HEPH: variants seen among roughly 807,000 people sequenced by gnomAD.
The protein encoded by HEPH is hephaestin.
Under a neutral mutation model 80.8 loss-of-function variants are expected in HEPH, and 69 were observed. The ratio of observed to expected loss-of-function variants is 0.85; its 90% CI spans 0.70 to 1.04. The LOEUF (loss-of-function observed/expected upper bound fraction) is 1.04. Ranked by LOEUF, HEPH falls within the 50% of genes least tolerant of loss-of-function variation. HEPH has a pLI of 0.00. For missense variants in HEPH, 1,115 were observed against 891.3 expected (o/e 1.25, Z -3.20); for synonymous variants, 431 against 322.8 (o/e 1.34, Z -3.60).
chrX:66,268,581 G>T (rs1404206499), downstream of HEPH: 1 of 111,726 alleles, frequency 9.0e-6, no homozygotes, highest in East Asian at 2.8e-4. Flanking sequence ...AGGAATTCCA[G>T]TCAATTAATG....
chrX:66,166,159 G>A (rs1019691686), intron 1 of HEPH, among the ~76,000 whole-genome samples: 3 of 111,454 alleles, frequency 2.7e-5, no homozygotes, highest in Non-Finnish European at 3.8e-5. Flanking sequence ...GCTTTCCACT[G>A]TACCATGAAA....
rs151209087 is a variant in HEPH, at chrX:66,233,504, G to A, written c.2564-21531G>A. 4.8e-3 allele frequency among the ~76,000 whole-genome samples: 539 copies of A among 111,524 alleles called. 4 individuals are homozygous for A. Among genetic ancestry groups the A allele is most frequent in the African/African-American group, 0.017 (516 of 30,739 alleles). On this transcript the variant is annotated intron_variant, in intron 15 of 20. Coordinates refer to ENST00000343002, the MANE Select transcript of HEPH (RefSeq NM_001367233.3). ...AGGAGCTTTCCTAGAGTGGATTTAT[G>A]AGCACTGGGCTTACTGAGCAGTTTG... is the stretch of plus-strand genomic sequence containing the variant.
rs142070293 is a variant in HEPH, at chrX:66,228,185, G to A, written c.2563+19939G>A. Reference sequence around the variant, plus strand: ...AAGAGAATGAAAATCAAGCAAAAGGGGTTTCCTCTTATAAAACCATCAGTT... The same window carrying A: ...AAGAGAATGAAAATCAAGCAAAAGGAGTTTCCTCTTATAAAACCATCAGTT... On this transcript the variant is annotated intron_variant, in intron 15 of 20. Transcript: ENST00000343002. 9.4e-4 allele frequency among the ~76,000 whole-genome samples: 105 copies of A among 111,289 alleles called. 1 individual carries two copies. Among genetic ancestry groups the A allele is most frequent in the African/African-American group, 3.4e-3 (105 of 30,650 alleles).
chrX:66,266,598 C>A lies in HEPH; in HGVS notation c.3403C>A (p.Arg1135=), dbSNP rs73217443. ...TGGTGGAGTGGTTTGGTACCAACAT[C>A]GACAGAGAAAGCTACGACGCAATAG... The part of the protein sequence containing the change: ...ALGGVVWYQH[R]QRKLRRNRRS... The change falls in exon 21 of 21, where the codon CGA becomes AGA. Residue 1135 remains arginine (R), a synonymous_variant. Transcript: ENST00000343002. 7 of 1,210,190 alleles carry A rather than the reference C, an allele frequency of 5.8e-6. No individual in the cohort carries two copies. The South Asian group carries it at 1.1e-4, about 18-fold the overall frequency.
intron 12 of HEPH, among the ~76,000 whole-genome samples, chrX:66,201,198 C>G (rs913992490): frequency 9.0e-6 from 1 of 110,532 alleles, no homozygotes; most frequent in African/African-American, 3.3e-5. Flanking sequence ...TCTCTTTCTA[C>G]CCATGATGCG....
At chrX:66,261,528 T>A (rs2091362756) in intron 19 of HEPH, among the ~76,000 whole-genome samples, 1 of 86,830 alleles carries the variant, frequency 1.2e-5, no homozygotes, top group Non-Finnish European at 2.3e-5. Context: ...CCCATACAAA[T>A]CAAGGCTGTG....
intron 15 of HEPH, among the ~76,000 whole-genome samples, chrX:66,233,291 C>G (rs2090230290): frequency 9.0e-6 from 1 of 111,570 alleles, no homozygotes; most frequent in Admixed American, 9.6e-5. Context: ...TCACCAGCCT[C>G]CTGAAAGGCA....
intron 4 of HEPH, among the ~76,000 whole-genome samples, chrX:66,178,649 G>T (rs1261057505): frequency 9.0e-6 from 1 of 111,588 alleles, no homozygotes; most frequent in African/African-American, 3.3e-5. Context: ...AACTGGTGTG[G>T]GATGGTATCT....
At chrX:66,209,766 G>C (rs762849890) in intron 15 of HEPH, among the ~76,000 whole-genome samples, 1 of 112,022 alleles carries the variant, frequency 8.9e-6, no homozygotes, top group Non-Finnish European at 1.9e-5. Context: ...CAGGAAAATA[G>C]TGATGCCATT....
At position 66,173,699 on chromosome X, in the gene HEPH, G is replaced by T; in HGVS notation, c.523G>T (p.Asp175Tyr). ...CATTCCAGAAGGCCATGCACCCACCGATGCTGACCCAGCGTGCCTCACCTG... is the reference window on the plus strand; with the variant it reads ...CATTCCAGAAGGCCATGCACCCACCTATGCTGACCCAGCGTGCCTCACCTG... Reference protein sequence around the residue: ...WTIPEGHAPTDADPACLTWIY... With the variant: ...WTIPEGHAPTYADPACLTWIY... The change falls in exon 4 of 21, where the codon GAT becomes TAT. Residue 175 changes from aspartate (D) to tyrosine (Y), a missense_variant. Physicochemically the swap from Asp to Tyr is radical, Grantham distance 160. Transcript: ENST00000343002. The T allele has an allele frequency of 1.7e-6, 2 of 1,210,046 alleles. No homozygotes were observed. Among genetic ancestry groups the T allele is most frequent in the Non-Finnish European group, 2.2e-6 (2 of 894,417 alleles).
In HEPH at chrX:66,165,808, AT is replaced by A. The variant is rs1439391231; in HGVS notation, c.-14+1342del. On this transcript the variant is annotated intron_variant, in intron 1 of 20. Coordinates refer to ENST00000343002, the MANE Select transcript of HEPH (RefSeq NM_001367233.3). ...GCCTATTCCTTCTGCCTTCCTTTTT[AT>A]TTTGTATTTTTTACTTTTTTCCAGG... Among the ~76,000 whole-genome samples, 5 of 108,609 alleles carry A rather than the reference AT, an allele frequency of 4.6e-5. No individual in the cohort carries two copies. The Admixed American group carries it at 4.9e-4, about 11-fold the overall frequency. 94.3% of individuals were successfully genotyped at this position (108,609 alleles called of 115,157 possible).
chrX:66,191,114 A>G (rs1215635422), intron 6 of HEPH, among the ~76,000 whole-genome samples: 1 of 112,006 alleles, frequency 8.9e-6, no homozygotes, highest in Non-Finnish European at 1.9e-5. Flanking sequence ...AGTAGATATA[A>G]GAAAATAAAA....
chrX:66,221,668 G>A (rs964198019), intron 15 of HEPH, among the ~76,000 whole-genome samples: 3 of 112,684 alleles, frequency 2.7e-5, no homozygotes, highest in South Asian at 3.7e-4. Flanking sequence ...TGATACATAG[G>A]GTGTAAAGGG....
chrX:66,245,207 C>T (rs1397848076), intron 15 of HEPH, among the ~76,000 whole-genome samples: 3 of 110,688 alleles, frequency 2.7e-5, no homozygotes, highest in Non-Finnish European at 5.7e-5. Context: ...GAGTCAAGAC[C>T]CATCAGTGTG....
At chrX:66,197,968 C>A in intron 10 of HEPH, 74 bp downstream of exon 10, 1 of 892,567 alleles carries the variant, frequency 1.1e-6, no homozygotes, top group Non-Finnish European at 1.6e-6. Flanking sequence ...AGGAGTTAAG[C>A]ATGGAACTGG....
Position 66,212,875 on chromosome X carries a change from T to C in HEPH, c.2563+4629T>C, listed in dbSNP as rs965060287. Among the ~76,000 whole-genome samples the C allele has an allele frequency of 3.6e-5, 4 of 110,886 alleles. No individual in the cohort carries two copies. In the Admixed American group the frequency reaches 3.8e-4, roughly 11 times the overall value. ...AAAGTTTTGTGAAGAATGACATTGA[T>C]ATTTTGAGAGGAATTGCATTGATTC... On this transcript the variant is annotated intron_variant, in intron 15 of 20. Transcript: ENST00000343002.
Position 66,256,411 on chromosome X carries a change from T to C in HEPH, c.2896+81T>C. On this transcript the variant is annotated intron_variant, in intron 17 of 20. Transcript: ENST00000343002. ...GATATTTAATAGGCCTATTGCTACC[T>C]AAGGGAACATAATCCCAGAGAGGAC... 4 of 665,015 alleles carry C rather than the reference T, an allele frequency of 6.0e-6. No homozygotes were observed. In the South Asian group the frequency reaches 1.1e-4, roughly 19 times the overall value. The allele number at this position is 665,015 out of a possible 1,213,427, so 54.8% of individuals were successfully genotyped here.
In HEPH at chrX:66,208,631, CATATATATATAT is replaced by C. The variant is rs56924616; in HGVS notation, c.2563+420_2563+431del. Among the ~76,000 whole-genome samples the C allele has an allele frequency of 7.7e-3, 269 of 35,107 alleles. 1 individual carries two copies. Among genetic ancestry groups the C allele is most frequent in the Middle Eastern group, 0.031 (1 of 32 alleles). 30.5% of individuals were successfully genotyped at this position (35,107 alleles called of 115,157 possible). On this transcript the variant is annotated intron_variant, in intron 15 of 20. Coordinates refer to ENST00000343002, the MANE Select transcript of HEPH (RefSeq NM_001367233.3). ...AGACTCCATCTCAAATATATACATACATATATATATATATATATATATATATATATATATATA... is the reference window on the plus strand; with the variant it reads ...AGACTCCATCTCAAATATATACATACATATATATATATATATATATATATA...
chrX:66,231,908 G>A (rs1198605571), intron 15 of HEPH, among the ~76,000 whole-genome samples: 7 of 109,764 alleles, frequency 6.4e-5, no homozygotes, highest in Non-Finnish European at 3.8e-5. Flanking sequence ...GATATTGGCT[G>A]TGGATTTGTC....
Sources: gnomAD v4.1 joint callset for allele counts (sites outside exome capture counted in the v4.1 genomes callset) on GRCh38, gnomAD v4.1.1 for gene constraint, MANE v1.5 for transcripts, NCBI Gene and HGNC (gene_info 2026-07-23, HGNC 2026-07-21) for gene names.